Variants in RPS19 observed in about 807,000 individuals in gnomAD.
RPS19 encodes ribosomal protein S19.
Under a neutral mutation model 20.3 loss-of-function variants are expected in RPS19, and 1 was observed. The ratio of observed to expected loss-of-function variants is 0.05; its 90% CI spans 0.02 to 0.23. The LOEUF (loss-of-function observed/expected upper bound fraction) is 0.23, where lower values mean the gene tolerates loss of function less well. Among genes scored for constraint, RPS19 ranks in the 10% least tolerant of loss-of-function variants. The pLI is 1.00. For missense variants in RPS19, 111 were observed against 192.7 expected, an observed-to-expected ratio of 0.58 and a Z score of 2.51; for synonymous variants, 87 against 74.8, an observed-to-expected ratio of 1.16 and a Z score of -0.84.
chr19:41,860,724 G>T, intron 1 of RPS19, 51 bp from the exon 2 acceptor site: 1 of 1,360,938 alleles, frequency 7.3e-7, no homozygotes, highest in Non-Finnish European at 1.1e-6. Flanking sequence ...CCGTGCTCTT[G>T]GCAGTCGTCT....
Position 41,872,210 on chromosome 19 carries a change from T to G in RPS19, c.*833T>G, listed in dbSNP as rs959698869. 2 of 152,246 alleles carry G rather than the reference T, an allele frequency of 1.3e-5. No individual in the cohort carries two copies. Among genetic ancestry groups the G allele is most frequent in the East Asian group, 3.9e-4 (2 of 5,192 alleles). The allele number at this position is 152,246 out of a possible 1,614,324, so 9.4% of individuals were successfully genotyped here. On this transcript the variant is annotated 3_prime_UTR_variant, in exon 6 of 6. Coordinates refer to ENST00000598742, the MANE Select transcript of RPS19 (RefSeq NM_001022.4). Reference sequence around the variant, plus strand: ...ACCTGGTCAGGCTGGGAGATCCAAATAGCACCCAGTGGGCAGCTGTCCGAC... The same window carrying G: ...ACCTGGTCAGGCTGGGAGATCCAAAGAGCACCCAGTGGGCAGCTGTCCGAC...
intron 3 of RPS19, among the ~76,000 whole-genome samples, chr19:41,867,175 C>G (rs2074099469): frequency 6.6e-6 from 1 of 150,974 alleles, no homozygotes. Flanking sequence ...TGGTGGCTTG[C>G]ACCTGTAGTC....
intron 3 of RPS19, 132 bp downstream of exon 3, chr19:41,861,344 C>A: frequency 1.4e-6 from 1 of 711,832 alleles, no homozygotes; most frequent in Non-Finnish European, 2.5e-6. Flanking sequence ...TCACCACTTG[C>A]TTTGTGTGAT....
At position 41,861,116 on chromosome 19, in the gene RPS19, G is replaced by A; in HGVS notation, c.76G>A (p.Gly26Arg). The change falls in exon 3 of 6, where the codon GGG becomes AGG. Residue 26 changes from glycine to arginine, a missense_variant. By Grantham distance (125) the Gly-to-Arg change is moderately radical. Coordinates refer to ENST00000598742, the MANE Select transcript of RPS19 (RefSeq NM_001022.4). The part of the protein sequence containing the change: ...RALAAFLKKS[G>R]KLKVPEWVDT... ...TTCCCACTGTTTTGGTCTTAGGTCC[G>A]GGAAGCTGAAAGTCCCCGAATGGGT... 6.2e-7 allele frequency: 1 copy of A among 1,613,650 alleles called. No individual in the cohort carries two copies.
At chr19:41,860,661 A>T in intron 1 of RPS19, 114 bp from the exon 2 acceptor site, 1 of 863,340 alleles carries the variant, frequency 1.2e-6, no homozygotes, top group Non-Finnish European at 2.0e-6. Flanking sequence ...GTGGGAAGTA[A>T]CGGGGGGTAC....
intron 3 of RPS19, among the ~76,000 whole-genome samples, chr19:41,865,822 G>A (rs968806559): frequency 5.3e-5 from 8 of 151,046 alleles, no homozygotes; most frequent in Non-Finnish European, 8.8e-5. Flanking sequence ...GGTGGCGGGC[G>A]CCTGTAGTCC....
chr19:41,864,389 G>A (rs1319625807), intron 3 of RPS19: 1 of 152,392 alleles, frequency 6.6e-6, no homozygotes, highest in Non-Finnish European at 1.5e-5. Context: ...ATGAATCAAG[G>A]TCAGGAGAGT....
At chr19:41,868,521 G>A (rs1230902369) in intron 3 of RPS19, among the ~76,000 whole-genome samples, 2 of 152,232 alleles carry the variant, frequency 1.3e-5, no homozygotes, top group East Asian at 3.8e-4. Flanking sequence ...CAGGCAAGGA[G>A]GCTGGCTGGG....
intron 3 of RPS19, among the ~76,000 whole-genome samples, chr19:41,863,074 A>C (rs1245185221): frequency 1.7e-4 from 26 of 152,164 alleles, no homozygotes; most frequent in Admixed American, 1.4e-3. Flanking sequence ...CCCAGGTTGG[A>C]GTGCAGTGGC....
At chr19:41,865,741 G>T (rs887541212) in intron 3 of RPS19, among the ~76,000 whole-genome samples, 1 of 151,568 alleles carries the variant, frequency 6.6e-6, no homozygotes, top group Non-Finnish European at 1.5e-5. Flanking sequence ...GAGGTCAAGA[G>T]ATCGAGACCA....
chr19:41,862,879 G>A (rs2074046698), intron 3 of RPS19, among the ~76,000 whole-genome samples: 1 of 152,152 alleles, frequency 6.6e-6, no homozygotes, highest in Non-Finnish European at 1.5e-5. Context: ...TAGCGGCATA[G>A]GATGGTTGTG....
In RPS19 at chr19:41,872,919, A is replaced by T. The variant is rs1457278129; in HGVS notation, c.*1542A>T. On this transcript the variant is annotated 3_prime_UTR_variant, in exon 6 of 6. Coordinates refer to ENST00000598742, the MANE Select transcript of RPS19 (RefSeq NM_001022.4). ...CAAAAAAAGAATCAATAAAAATGTTAAAAGCACCGTTGTTTACACTCAGCA... is the reference window on the plus strand; with the variant it reads ...CAAAAAAAGAATCAATAAAAATGTTTAAAGCACCGTTGTTTACACTCAGCA... 1 of 151,878 alleles carries T rather than the reference A, an allele frequency of 6.6e-6. No homozygotes were observed. The highest frequency in any genetic ancestry group is 2.4e-5 in the African/African-American group (1 of 41,184). The allele number at this position is 151,878 out of a possible 1,614,324, so 9.4% of individuals were successfully genotyped here.
chr19:41,868,223 T>C (rs187006298), intron 3 of RPS19, among the ~76,000 whole-genome samples: 1 of 152,320 alleles, frequency 6.6e-6, no homozygotes, highest in Non-Finnish European at 1.5e-5. Flanking sequence ...GCTTCCTGCA[T>C]GTGGGCCCCG....
At chr19:41,869,350 A>G (rs1190696772) in intron 4 of RPS19, 136 bp downstream of exon 4, 1 of 854,922 alleles carries the variant, frequency 1.2e-6, no homozygotes, top group African/African-American at 1.7e-5. Context: ...GGGATTCTGC[A>G]GAAAAGCAAA....
At chr19:41,863,999 C>A (rs894071010) in intron 3 of RPS19, 1 of 152,098 alleles carries the variant, frequency 6.6e-6, no homozygotes, top group Non-Finnish European at 1.5e-5. Flanking sequence ...CCCGCCACCA[C>A]GCCCAGCTAA....
chr19:41,865,949 TAAAAAAAAAAA>T (rs35155067), intron 3 of RPS19, among the ~76,000 whole-genome samples: 2 of 74,506 alleles, frequency 2.7e-5, no homozygotes, highest in Non-Finnish European at 5.0e-5. Flanking sequence ...ACTCCGTCTT[TAAAAAAAAAAA>T]AAAAAAAAAA....
rs781898903 is a variant in RPS19 at position 41,869,715 on chromosome 19, C to A, written c.373C>A (p.Pro125Thr). Residue 125 changes from proline (P) to threonine (T), a missense_variant, in exon 5 of 6, where the codon CCT becomes ACT. Physicochemically the swap from Pro to Thr is conservative, Grantham distance 38. Coordinates refer to ENST00000598742, the MANE Select transcript of RPS19 (RefSeq NM_001022.4). ...KDQDGGRKLT[P>T]QGQRDLDRIA... Reference sequence around the variant, plus strand: ...TCCCCACAGCGGCCGCAAACTGACACCTCAGGGACAAAGAGATCTGGACAG... The same window carrying A: ...TCCCCACAGCGGCCGCAAACTGACAACTCAGGGACAAAGAGATCTGGACAG... 4 of 1,614,156 alleles carry A rather than the reference C, an allele frequency of 2.5e-6. No individual in the cohort carries two copies. The Admixed American group carries it at 5.0e-5, about 20-fold the overall frequency.
At chr19:41,863,986 G>C (rs2123267997) in intron 3 of RPS19, 1 of 152,130 alleles carries the variant, frequency 6.6e-6, no homozygotes, top group African/African-American at 2.4e-5. Flanking sequence ...GGGACTACAG[G>C]TGCCCGCCAC....
intron 5 of RPS19, 25 bp from the exon 6 acceptor site, chr19:41,871,324 CTT>C (rs1424211861): frequency 3.7e-6 from 6 of 1,612,974 alleles, no homozygotes; most frequent in East Asian, 2.2e-5. Flanking sequence ...CCTTGACTAA[CTT>C]TTATTCTTCC....
Sources: allele counts gnomAD v4.1 joint callset (sites outside exome capture counted in the v4.1 genomes callset), GRCh38; gene constraint gnomAD v4.1.1; transcripts MANE v1.5; gene names NCBI Gene and HGNC (gene_info 2026-07-23, HGNC 2026-07-21).